Variants in FKBP3 observed in about 807,000 individuals in gnomAD.
FKBP3 encodes the protein peptidyl-prolyl cis-trans isomerase FKBP3.
A neutral mutation model predicts 30.6 loss-of-function variants in FKBP3; 21 were observed. That is an observed-to-expected ratio of 0.69 (90% confidence interval 0.49 to 0.99). The LOEUF (loss-of-function observed/expected upper bound fraction) is 0.99. Ranked by LOEUF, FKBP3 falls within the 50% of genes least tolerant of loss-of-function variation. FKBP3 has a pLI of 0.00. For synonymous variants in FKBP3, 82 were observed against 91.3 expected (o/e 0.90, Z 0.58); for missense variants, 283 against 261.6 (o/e 1.08, Z -0.56).
At chr14:45,119,621 T>C (rs1884938190) in intron 5 of FKBP3, among the ~76,000 whole-genome samples, 1 of 151,502 alleles carries the variant, frequency 6.6e-6, no homozygotes, top group Admixed American at 6.6e-5. Flanking sequence ...TGCAAATAAG[T>C]TACAGAAATA....
At chr14:45,128,774 AC>A (rs1885153914) in intron 3 of FKBP3, among the ~76,000 whole-genome samples, 1 of 152,180 alleles carries the variant, frequency 6.6e-6, no homozygotes, top group African/African-American at 2.4e-5. Context: ...TTATGAATTT[AC>A]CTTTTATTTT....
At chr14:45,123,126 G>GAGGTTGCAGTGAGCCA (rs1885020672) in intron 3 of FKBP3, among the ~76,000 whole-genome samples, 2 of 151,292 alleles carry the variant, frequency 1.3e-5, no homozygotes, top group Non-Finnish European at 1.5e-5. Flanking sequence ...CCAGGAGGCG[G>GAGGTTGCAGTGAGCCA]AGGTTGCAGT....
chr14:45,132,232 G>A (rs944629084), intron 1 of FKBP3, among the ~76,000 whole-genome samples: 13 of 152,290 alleles, frequency 8.5e-5, no homozygotes, highest in Admixed American at 3.3e-4. Flanking sequence ...AGGAGACAAA[G>A]TTGACTAAAC....
intron 5 of FKBP3, among the ~76,000 whole-genome samples, chr14:45,119,024 A>G (rs1213775694): frequency 6.6e-6 from 1 of 151,984 alleles, no homozygotes; most frequent in Non-Finnish European, 1.5e-5. Context: ...TTTTGGAAAT[A>G]CAATTTTTAA....
chr14:45,131,258 T>A (rs1470614375), intron 1 of FKBP3: 1 of 153,374 alleles, frequency 6.5e-6, no homozygotes, highest in African/African-American at 2.4e-5. Flanking sequence ...AACATACATA[T>A]GTTGAGATTG....
In FKBP3 at chr14:45,134,355, T is replaced by C. The variant is rs1212425339; in HGVS notation, c.102A>G (p.Ser34=). Reference sequence around the variant, plus strand: ...GCCCCTACGCCTCTGGTACCGAATCTGAACCGTGTTCCTGCAGAAACTTGA... The same window carrying C: ...GCCCCTACGCCTCTGGTACCGAATCCGAACCGTGTTCCTGCAGAAACTTGA... ...DIIKFLQEHG[S]DSFLAEHKLL... Residue 34 remains serine, a synonymous_variant, in exon 1 of 7, where the codon TCA becomes TCG. Coordinates refer to ENST00000396062, the MANE Select transcript of FKBP3 (RefSeq NM_002013.4). 1.9e-6 allele frequency: 3 copies of C among 1,613,394 alleles called. No individual in the cohort carries two copies. The highest frequency in any genetic ancestry group is 1.7e-6 in the Non-Finnish European group (2 of 1,179,468).
chr14:45,121,720 G>T, intron 3 of FKBP3, 100 bp from the exon 4 acceptor site: 2 of 1,331,474 alleles, frequency 1.5e-6, no homozygotes, highest in Non-Finnish European at 1.0e-6. Flanking sequence ...AGTTTAAAGA[G>T]TTTGATGGAT....
chr14:45,125,601 T>C (rs1009983535), intron 3 of FKBP3, among the ~76,000 whole-genome samples: 2 of 152,210 alleles, frequency 1.3e-5, no homozygotes, highest in Non-Finnish European at 2.9e-5. Context: ...ATAAATATAT[T>C]GACAATGACT....
At chr14:45,119,468 C>G (rs1884933064) in intron 5 of FKBP3, among the ~76,000 whole-genome samples, 1 of 151,746 alleles carries the variant, frequency 6.6e-6, no homozygotes, top group South Asian at 2.1e-4. Flanking sequence ...ATTCGGGAGG[C>G]TGAGGCAGGA....
At chr14:45,124,903 C>T (rs566820771) in intron 3 of FKBP3, among the ~76,000 whole-genome samples, 2 of 152,154 alleles carry the variant, frequency 1.3e-5, no homozygotes, top group East Asian at 1.9e-4. Context: ...GTTACAGAAT[C>T]GGATCTGTGT....
At chr14:45,117,231 C>T (rs79477255) in intron 6 of FKBP3, among the ~76,000 whole-genome samples, 1 of 152,198 alleles carries the variant, frequency 6.6e-6, no homozygotes, top group African/African-American at 2.4e-5. Flanking sequence ...CTTGGCCTCC[C>T]AAAGTGCTGG....
intron 3 of FKBP3, among the ~76,000 whole-genome samples, chr14:45,127,525 A>T (rs888409204): frequency 9.2e-5 from 14 of 152,196 alleles, no homozygotes; most frequent in African/African-American, 3.4e-4. Flanking sequence ...TAATCAATAT[A>T]AAAAATACTG....
chr14:45,132,167 T>G (rs1885231214), intron 1 of FKBP3, among the ~76,000 whole-genome samples: 1 of 152,206 alleles, frequency 6.6e-6, no homozygotes, highest in African/African-American at 2.4e-5. Flanking sequence ...CTATTGTATT[T>G]TTTTCTTTTG....
chr14:45,133,552 C>A (rs757921857), intron 1 of FKBP3: 1 of 155,022 alleles, frequency 6.5e-6, no homozygotes, highest in South Asian at 1.8e-4. Flanking sequence ...CACAAGCAGG[C>A]TGCCGCTTGT....
Position 45,116,209 on chromosome 14 carries a change from C to T in FKBP3, c.664G>A (p.Asp222Asn), listed in dbSNP as rs200118334. 2.9e-5 allele frequency: 46 copies of T among 1,610,318 alleles called. No individual in the cohort carries two copies. The highest frequency in any genetic ancestry group is 3.7e-5 in the Non-Finnish European group (44 of 1,176,854). The change falls in exon 7 of 7, where the codon GAT becomes AAT. Residue 222 changes from aspartate to asparagine, a missense_variant. Physicochemically the swap from Asp to Asn is conservative, Grantham distance 23. Coordinates refer to ENST00000396062, the MANE Select transcript of FKBP3 (RefSeq NM_002013.4). Reference protein sequence around the residue: ...AKLTFEVELVDID With the variant: ...AKLTFEVELVNID ...GAAGCACTGCTATTTCAATCAATAT[C>T]CACTAATTCCACTTCAAAAGTGAGT...
chr14:45,121,646 CACAG>C, intron 3 of FKBP3, 26 bp from the exon 4 acceptor site: 1 of 1,605,586 alleles, frequency 6.2e-7, no homozygotes, highest in Middle Eastern at 1.7e-4. Context: ...AACACACACA[CACAG>C]AGTTATTAAT....
intron 3 of FKBP3, among the ~76,000 whole-genome samples, chr14:45,122,157 T>G (rs774855491): frequency 7.2e-5 from 11 of 152,204 alleles, no homozygotes; most frequent in Non-Finnish European, 1.2e-4. Flanking sequence ...GCATATTTCC[T>G]AGAACAAAGT....
intron 5 of FKBP3, 102 bp from the exon 6 acceptor site, chr14:45,118,227 C>A: frequency 1.5e-6 from 1 of 662,622 alleles, no homozygotes; most frequent in Non-Finnish European, 2.6e-6. Flanking sequence ...AACACAGAAT[C>A]TATTACTATA....
In FKBP3 at chr14:45,125,208, G is replaced by C. The variant is rs181363254; in HGVS notation, c.319-3588C>G. ...TGGGATTACAGGCGTGAGCCACAGT[G>C]CCCAGCCAGATTTGTGTTTTAAATA... is the stretch of plus-strand genomic sequence containing the variant. On this transcript the variant is annotated intron_variant, in intron 3 of 6. Transcript: ENST00000396062. 2.8e-3 allele frequency among the ~76,000 whole-genome samples: 431 copies of C among 152,338 alleles called. 2 individuals carry two copies. The highest frequency in any genetic ancestry group is 0.01 in the African/African-American group (417 of 41,584).
Sources: allele counts gnomAD v4.1 joint callset (sites outside exome capture counted in the v4.1 genomes callset), GRCh38; gene constraint gnomAD v4.1.1; transcripts MANE v1.5; gene names NCBI Gene and HGNC (gene_info 2026-07-23, HGNC 2026-07-21).